The following PATL2 variants were observed in gnomAD, a reference collection of about 807,000 sequenced individuals.
PATL2 encodes the protein protein PAT1 homolog 2.
A neutral mutation model predicts 77.0 loss-of-function variants in PATL2; 73 were observed. That is an observed-to-expected ratio of 0.95 (90% CI 0.78 to 1.15). The LOEUF is 1.15. Ranked by LOEUF, PATL2 falls within the 50% of genes most tolerant of loss-of-function variation. The probability of loss-of-function intolerance (pLI) is 0.00; values close to 1 mark genes in which losing one functional copy is unlikely to be tolerated. For missense variants in PATL2, 618 were observed against 655.4 expected (o/e 0.94, Z 0.62); for synonymous variants, 265 against 257.1 (o/e 1.03, Z -0.29).
intron 3 of PATL2, among the ~76,000 whole-genome samples, chr15:44,699,528 C>A (rs948476697): frequency 1.3e-5 from 2 of 151,968 alleles, no homozygotes; most frequent in African/African-American, 4.8e-5. Context: ...TTAGTAGAGA[C>A]AGGGTTTTAC....
chr15:44,667,441 T>C (rs1205114192), intron 15 of PATL2, among the ~76,000 whole-genome samples: 1 of 152,214 alleles, frequency 6.6e-6, no homozygotes, highest in Non-Finnish European at 1.5e-5. Context: ...ATTAAATGCA[T>C]ACTTCTAGGC....
At chr15:44,699,542 G>A (rs2086584298) in intron 3 of PATL2, among the ~76,000 whole-genome samples, 1 of 152,070 alleles carries the variant, frequency 6.6e-6, no homozygotes, top group African/African-American at 2.4e-5. Flanking sequence ...GTTTTACCAT[G>A]TTGGCCAGGC....
rs776015360 is a variant in PATL2, at chr15:44,672,005, C to A, written c.657+10G>T. On this transcript the variant is annotated intron_variant, in intron 9 of 17. Coordinates refer to ENST00000682850, the MANE Select transcript of PATL2 (RefSeq NM_001387263.1). Reference sequence around the variant, plus strand: ...AGGTCAGAGGCTGGGCTGAGTACTGCGGGGCTCACCTGGTAATAGTAGTCA... The same window carrying A: ...AGGTCAGAGGCTGGGCTGAGTACTGAGGGGCTCACCTGGTAATAGTAGTCA... The A allele has an allele frequency of 5.8e-6, 9 of 1,551,392 alleles. No homozygotes were observed. The highest frequency in any genetic ancestry group is 2.0e-5 in the Admixed American group (1 of 50,978).
chr15:44,695,241 TAAG>T (rs1466835417), intron 3 of PATL2, among the ~76,000 whole-genome samples: 2 of 151,890 alleles, frequency 1.3e-5, no homozygotes, highest in Non-Finnish European at 2.9e-5. Context: ...ATACAGGAGT[TAAG>T]AAATTAATTA....
chr15:44,694,587 C>T (rs150725525), intron 3 of PATL2, among the ~76,000 whole-genome samples: 21 of 152,242 alleles, frequency 1.4e-4, no homozygotes, highest in African/African-American at 5.1e-4. Context: ...GTATTTACCC[C>T]AGTCAACATA....
intron 3 of PATL2, among the ~76,000 whole-genome samples, chr15:44,681,258 G>A (rs768441160): frequency 1.8e-4 from 28 of 152,038 alleles, no homozygotes; most frequent in Non-Finnish European, 3.1e-4. Flanking sequence ...GGCTCAAGTC[G>A]TCCTCCCACC....
intron 3 of PATL2, among the ~76,000 whole-genome samples, chr15:44,701,551 C>T (rs1410506279): frequency 2.0e-5 from 3 of 151,500 alleles, no homozygotes; most frequent in Non-Finnish European, 4.4e-5. Context: ...TGAAAATTAG[C>T]TGGGTGTGGT....
intron 3 of PATL2, among the ~76,000 whole-genome samples, chr15:44,700,862 C>A (rs2086613544): frequency 6.6e-6 from 1 of 152,058 alleles, no homozygotes; most frequent in Admixed American, 6.6e-5. Flanking sequence ...TGAGAAAAGG[C>A]TTTAGGTTTT....
At chr15:44,675,313 G>A (rs747697736) in intron 5 of PATL2, 173 bp downstream of exon 5, 9 of 705,524 alleles carry the variant, frequency 1.3e-5, no homozygotes, top group Non-Finnish European at 1.8e-5. Flanking sequence ...GTGGGAGACA[G>A]GAGAAAGAGG....
At chr15:44,683,801 A>C (rs1166314468) in intron 3 of PATL2, among the ~76,000 whole-genome samples, 6 of 152,168 alleles carry the variant, frequency 3.9e-5, no homozygotes, top group African/African-American at 1.4e-4. Context: ...CCTGACTGGG[A>C]GACACCTCCC....
At chr15:44,678,070 T>C (rs1017179617) in intron 3 of PATL2, among the ~76,000 whole-genome samples, 3 of 152,170 alleles carry the variant, frequency 2.0e-5, no homozygotes, top group Admixed American at 6.5e-5. Flanking sequence ...CAGGCTTGTC[T>C]CAAACTCCTG....
chr15:44,674,648 G>A (rs1431801287), intron 5 of PATL2: 1 of 147,776 alleles, frequency 6.8e-6, no homozygotes, highest in Non-Finnish European at 1.5e-5. Flanking sequence ...GCTCACTGCA[G>A]GCTCAAACTC....
intron 5 of PATL2, chr15:44,675,232 G>A (rs1256842056): frequency 8.6e-6 from 4 of 464,174 alleles, no homozygotes; most frequent in South Asian, 3.5e-5. Context: ...TAGTAGCAGG[G>A]CCACCGCCTG....
At position 44,671,728 on chromosome 15, in the gene PATL2, T is replaced by G. The variant is rs578166265; in HGVS notation, c.657+287A>C. Reference sequence around the variant, plus strand: ...TTCTCAGCATACACAGGTGGGAAAATCCATATTTCCTGGGTGAACAGGGAA... The same window carrying G: ...TTCTCAGCATACACAGGTGGGAAAAGCCATATTTCCTGGGTGAACAGGGAA... On this transcript the variant is annotated intron_variant, in intron 9 of 17. Transcript: ENST00000682850. Among the ~76,000 whole-genome samples the G allele has an allele frequency of 2.6e-5, 4 of 152,262 alleles. No homozygotes were observed. In the South Asian group the frequency reaches 8.3e-4, roughly 32 times the overall value.
At chr15:44,707,875 T>C (rs957541130) in intron 3 of PATL2, among the ~76,000 whole-genome samples, 3 of 152,186 alleles carry the variant, frequency 2.0e-5, no homozygotes, top group Admixed American at 1.3e-4. Flanking sequence ...CTTCAGCCCA[T>C]GGTGGGGAGG....
At chr15:44,691,022 T>G (rs945701544) in intron 3 of PATL2, among the ~76,000 whole-genome samples, 1 of 151,450 alleles carries the variant, frequency 6.6e-6, no homozygotes, top group Non-Finnish European at 1.5e-5. Flanking sequence ...CTAATTTAAA[T>G]AATAATTTAA....
At position 44,696,760 on chromosome 15, in the gene PATL2, G is replaced by T. The variant is rs1453906283; in HGVS notation, c.-76+13336C>A. Among the ~76,000 whole-genome samples the T allele has an allele frequency of 2.0e-5, 3 of 151,380 alleles. No individual in the cohort carries two copies. The East Asian group carries it at 5.8e-4, about 29-fold the overall frequency. ...CTCCCTCTTTGTGTTCTATTTTTTT[G>T]GGGGCCTGTTGCCCATTATGTAACA... On this transcript the variant is annotated intron_variant, in intron 3 of 17. Coordinates refer to ENST00000682850, the MANE Select transcript of PATL2 (RefSeq NM_001387263.1).
rs933165876 is a variant in PATL2 at position 44,703,723 on chromosome 15, C to CTTTTTTTTT, written c.-76+6364_-76+6372dup. Among the ~76,000 whole-genome samples, 12 of 33,010 alleles carry CTTTTTTTTT rather than the reference C, an allele frequency of 3.6e-4. 1 individual carries two copies. Among genetic ancestry groups the CTTTTTTTTT allele is most frequent in the South Asian group, 1.4e-3 (1 of 690 alleles). The allele number at this position is 33,010 out of a possible 152,430, so 21.7% of individuals were successfully genotyped here. On this transcript the variant is annotated intron_variant, in intron 3 of 17. Transcript: ENST00000682850. ...GTAGGCAACAAATCACCGGGTCTTG[C>CTTTTTTTTT]TTTTTTTTTTTTTTTTTTTTTTTTT...
At chr15:44,670,368 A>T (rs748052351) in intron 9 of PATL2, among the ~76,000 whole-genome samples, 3 of 151,882 alleles carry the variant, frequency 2.0e-5, no homozygotes, top group Non-Finnish European at 4.4e-5. Flanking sequence ...TAATTTTTGT[A>T]TTTTTTGTAG....
Sources: allele counts gnomAD v4.1 joint callset (sites outside exome capture counted in the v4.1 genomes callset), GRCh38; gene constraint gnomAD v4.1.1; transcripts MANE v1.5; gene names NCBI Gene and HGNC (gene_info 2026-07-23, HGNC 2026-07-21).